RAP1GAP: variants seen among roughly 807,000 people sequenced by gnomAD.
RAP1GAP encodes rap1 GTPase-activating protein 1.
Under a neutral mutation model 87.2 loss-of-function variants are expected in RAP1GAP, and 35 were observed. The observed-to-expected ratio is 0.40, with a 90% CI of 0.31 to 0.53. RAP1GAP has a LOEUF of 0.53. Among genes scored for constraint, RAP1GAP ranks in the 20% least tolerant of loss-of-function variants. RAP1GAP has a pLI of 0.48. For synonymous variants in RAP1GAP, 375 were observed against 363.9 expected (o/e 1.03, Z -0.35); for missense variants, 734 against 898.9 (o/e 0.82, Z 2.35).
chr1:21,611,830 G>A lies in RAP1GAP; in HGVS notation c.613-14C>T. On this transcript the variant is annotated splice_polypyrimidine_tract_variant and intron_variant, in intron 11 of 24. Coordinates refer to ENST00000374765, the MANE Select transcript of RAP1GAP (RefSeq NM_002885.4). ...TTCCTCGGAGGTCTGGGGATGAGGG[G>A]CCAAGGTCATTGAGCTGGAGTTCCT... The A allele has an allele frequency of 6.3e-7, 1 of 1,596,256 alleles. No homozygotes were observed. The highest frequency in any genetic ancestry group is 2.2e-5 in the East Asian group (1 of 44,782).
At chr1:21,617,575 C>T (rs1372783215) in intron 6 of RAP1GAP, 84 bp from the exon 7 acceptor site, 35 of 1,437,670 alleles carry the variant, frequency 2.4e-5, no homozygotes, top group Non-Finnish European at 3.0e-5. Context: ...GACCTGGAGC[C>T]GCTTCTGTCG....
intron 2 of RAP1GAP, among the ~76,000 whole-genome samples, chr1:21,648,606 C>T (rs188736260): frequency 2.0e-5 from 3 of 152,278 alleles, no homozygotes; most frequent in Admixed American, 1.3e-4. Context: ...AGGTGCCCAA[C>T]AAGTGGCAGT....
Position 21,598,604 on chromosome 1 carries a change from C to A in RAP1GAP, c.1777-102G>T, listed in dbSNP as rs552824346. 3.3e-4 allele frequency: 317 copies of A among 955,058 alleles called. 1 individual carries two copies. Among genetic ancestry groups the A allele is most frequent in the Non-Finnish European group, 8.2e-5 (51 of 620,810 alleles). 59.2% of individuals were successfully genotyped at this position (955,058 alleles called of 1,614,324 possible). A position where few individuals can be genotyped will look rare whatever the true frequency, so the allele number is the denominator to read the frequency against. On this transcript the variant is annotated intron_variant, in intron 21 of 24. Coordinates refer to ENST00000374765, the MANE Select transcript of RAP1GAP (RefSeq NM_002885.4). ...TCCCTCACTGCATTCCACAACCCCC[C>A]ACCCGTACCCTCTGCGAGGAGGACG...
chr1:21,625,654 C>G (rs2150220838), intron 3 of RAP1GAP, among the ~76,000 whole-genome samples: 1 of 152,338 alleles, frequency 6.6e-6, no homozygotes, highest in South Asian at 2.1e-4. Flanking sequence ...TAAGTACTCT[C>G]TTAGTACACA....
chr1:21,651,973 G>GA (rs1385255260), intron 1 of RAP1GAP: 1 of 567,830 alleles, frequency 1.8e-6, no homozygotes, highest in Non-Finnish European at 2.2e-6. Context: ...GCTGCCGGGG[G>GA]CCGCCGGCGC....
chr1:21,652,415 G>T (rs1181582591), intron 1 of RAP1GAP, among the ~76,000 whole-genome samples: 1 of 152,200 alleles, frequency 6.6e-6, no homozygotes, highest in African/African-American at 2.4e-5. Context: ...AATAAATGCC[G>T]GGTACAAGAG....
intron 7 of RAP1GAP, among the ~76,000 whole-genome samples, chr1:21,616,165 AC>A (rs2081970500): frequency 6.7e-6 from 1 of 149,792 alleles, no homozygotes; most frequent in Non-Finnish European, 1.5e-5. Flanking sequence ...ACACACACAC[AC>A]ACACACACAC....
At chr1:21,639,820 A>G (rs2095338320) in intron 2 of RAP1GAP, among the ~76,000 whole-genome samples, 1 of 152,150 alleles carries the variant, frequency 6.6e-6, no homozygotes, top group Non-Finnish European at 1.5e-5. Context: ...GGTGTTCCGC[A>G]GCTCTGCCTG....
At position 21,603,877 on chromosome 1, in the gene RAP1GAP, G is replaced by A. The variant is rs369384638; in HGVS notation, c.1429-964C>T. On this transcript the variant is annotated intron_variant, in intron 18 of 24. Transcript: ENST00000374765. This position sits in a 1 kb window ranked among gnomAD's most constrained non-coding sequence, Gnocchi z 6.0. ...TGCCTATGGCACTGCCCCGGCGTCC[G>A]AATCTACTCGCACTTTTCCCAGGAA... is the stretch of plus-strand genomic sequence containing the variant. 5.1e-6 allele frequency: 8 copies of A among 1,574,544 alleles called. No homozygotes were observed. In the African/African-American group the frequency reaches 5.4e-5, roughly 11 times the overall value.
At position 21,641,898 on chromosome 1, in the gene RAP1GAP, A is replaced by G. The variant is rs571507839; in HGVS notation, c.-113+7863T>C. ...AGGGAGGGTGATGTTTCTCTAGGTC[A>G]CTTGGGTCCGAGGCATGTGTTTCTT... On this transcript the variant is annotated intron_variant, in intron 2 of 24. Transcript: ENST00000374765. Among the ~76,000 whole-genome samples the G allele has an allele frequency of 3.9e-5, 6 of 152,330 alleles. No individual in the cohort carries two copies. The South Asian group carries it at 1.2e-3, about 32-fold the overall frequency.
chr1:21,651,394 A>G (rs946090840), intron 1 of RAP1GAP: 1 of 534,562 alleles, frequency 1.9e-6, no homozygotes, highest in African/African-American at 1.9e-5. Context: ...CCACATACCT[A>G]TACATGTGAG....
chr1:21,609,002 A>T lies in RAP1GAP; in HGVS notation c.1072-66T>A. On this transcript the variant is annotated intron_variant, in intron 15 of 24. Transcript: ENST00000374765. This position sits in a 1 kb window ranked among gnomAD's most constrained non-coding sequence, Gnocchi z 4.4. Reference sequence around the variant, plus strand: ...GAGATGACACATAAACAAGGGTCGGAACCCCAACGAGGCAGAGGCTGCAGC... The same window carrying T: ...GAGATGACACATAAACAAGGGTCGGTACCCCAACGAGGCAGAGGCTGCAGC... 7.3e-7 allele frequency: 1 copy of T among 1,360,966 alleles called. No individual in the cohort carries two copies. The highest frequency in any genetic ancestry group is 1.1e-6 in the Non-Finnish European group (1 of 950,642). The allele number at this position is 1,360,966 out of a possible 1,614,324, so 84.3% of individuals were successfully genotyped here. A position where few individuals can be genotyped will look rare whatever the true frequency, so the allele number is the denominator to read the frequency against.
Position 21,626,347 on chromosome 1 carries a change from C to A in RAP1GAP, c.-62G>T. The stretch of plus-strand genomic sequence containing the variant: ...AGTATAGGAGGGAACTAAGTTCACT[C>A]GTGACAGGTCTAGTGCCTGAGGGAA... On this transcript the variant is annotated 5_prime_UTR_variant, in exon 3 of 25. Transcript: ENST00000374765. The A allele has an allele frequency of 6.2e-7, 1 of 1,613,154 alleles. No homozygotes were observed. Among genetic ancestry groups the A allele is most frequent in the Non-Finnish European group, 8.5e-7 (1 of 1,179,252 alleles).
In RAP1GAP at chr1:21,634,682, A is replaced by C; in HGVS notation, c.-112-8285T>G. ...GGCAGAGGCCTCCTGAACAAATAACAGGTTGGCAGCCTAGAGAGGTGGTCA... is the reference window on the plus strand; with the variant it reads ...GGCAGAGGCCTCCTGAACAAATAACCGGTTGGCAGCCTAGAGAGGTGGTCA... On this transcript the variant is annotated intron_variant, in intron 2 of 24. Coordinates refer to ENST00000374765, the MANE Select transcript of RAP1GAP (RefSeq NM_002885.4). The surrounding 1 kb of genome is among the most constrained non-coding windows in gnomAD (Gnocchi z 4.1). 3.1e-6 allele frequency: 1 copy of C among 326,274 alleles called. No individual in the cohort carries two copies. The allele number at this position is 326,274 out of a possible 1,614,324, so 20.2% of individuals were successfully genotyped here.
intron 2 of RAP1GAP, among the ~76,000 whole-genome samples, chr1:21,630,939 C>A (rs1433725430): frequency 6.6e-6 from 1 of 152,130 alleles, no homozygotes; most frequent in Non-Finnish European, 1.5e-5. Context: ...ACGTCCTTTC[C>A]TGCTCAGCCT....
intron 2 of RAP1GAP, among the ~76,000 whole-genome samples, chr1:21,642,387 T>C (rs1426640701): frequency 1.3e-5 from 2 of 152,198 alleles, no homozygotes; most frequent in African/African-American, 4.8e-5. Flanking sequence ...CATTATCTCA[T>C]TTAATCCCCC....
chr1:21,609,640 C>A lies in RAP1GAP; in HGVS notation c.1006G>T (p.Val336Phe). ...AAGGGCACATCATCTCTTGCAGTGA[C>A]AGAGACCTGGAAGGGAGGGCAGCTG... is the stretch of plus-strand genomic sequence containing the variant. ...GPDGPLYKVS[V>F]TARDDVPFFG... Residue 336 changes from valine (V) to phenylalanine (F), a missense_variant, in exon 15 of 25, where the codon GTC becomes TTC. Physicochemically the swap from Val to Phe is conservative, Grantham distance 50 (BLOSUM62 -1). Around this residue, in one of 2 missense-constraint regions of RAP1GAP, gnomAD observed 485 missense variants for 646.2 expected, o/e 0.75. Coordinates refer to ENST00000374765, the MANE Select transcript of RAP1GAP (RefSeq NM_002885.4). This position sits in a 1 kb window ranked among gnomAD's most constrained non-coding sequence, Gnocchi z 4.4. 6.3e-7 allele frequency: 1 copy of A among 1,577,724 alleles called. No homozygotes were observed. Among genetic ancestry groups the A allele is most frequent in the Admixed American group, 1.8e-5 (1 of 56,906 alleles).
Position 21,609,698 on chromosome 1 carries a change from C to T in RAP1GAP, c.1000-52G>A, listed in dbSNP as rs766668996. 20 of 1,388,662 alleles carry T rather than the reference C, an allele frequency of 1.4e-5. No individual in the cohort carries two copies. In the South Asian group the frequency reaches 3.0e-4, roughly 21 times the overall value. 86.0% of individuals were successfully genotyped at this position (1,388,662 alleles called of 1,614,324 possible). The stretch of plus-strand genomic sequence containing the variant: ...CTGTGGAGCCTGGGGTCTGCTCTGC[C>T]CCACCCAGCCAGAAACCCCTACTGT... On this transcript the variant is annotated intron_variant, in intron 14 of 24. Transcript: ENST00000374765. The surrounding 1 kb of genome is among the most constrained non-coding windows in gnomAD (Gnocchi z 4.4).
Position 21,634,872 on chromosome 1 carries a change from C to T in RAP1GAP, c.-112-8475G>A. ...GGACTTCAGTGTGGACTGACTCCTC[C>T]CCTGCACTGGGGTAAGGAGGAGGAG... On this transcript the variant is annotated intron_variant, in intron 2 of 24. Coordinates refer to ENST00000374765, the MANE Select transcript of RAP1GAP (RefSeq NM_002885.4). This position sits in a 1 kb window ranked among gnomAD's most constrained non-coding sequence, Gnocchi z 4.1. The T allele has an allele frequency of 4.1e-6, 1 of 243,946 alleles. No homozygotes were observed. The highest frequency in any genetic ancestry group is 4.5e-4 in the Middle Eastern group (1 of 2,226). 15.1% of individuals were successfully genotyped at this position (243,946 alleles called of 1,614,324 possible). A position where few individuals can be genotyped will look rare whatever the true frequency, so the allele number is the denominator to read the frequency against.
Sources: gnomAD v4.1 joint callset for allele counts (sites outside exome capture counted in the v4.1 genomes callset) on GRCh38, gnomAD v4.1.1 for gene constraint, gnomAD v4.1.1 regional missense constraint, Gnocchi (gnomAD v3.1) non-coding constraint, MANE v1.5 for transcripts, NCBI Gene and HGNC (gene_info 2026-07-23, HGNC 2026-07-21) for gene names.